The following NUMB variants were observed in gnomAD, a reference collection of about 807,000 sequenced individuals.
NUMB encodes NUMB endocytic adaptor protein.
NUMB carries 29 observed loss-of-function variants against 59.7 expected under a neutral mutation model. The observed-to-expected ratio is 0.49, with a 90% confidence interval of 0.36 to 0.66. The LOEUF (loss-of-function observed/expected upper bound fraction) is 0.66, where lower values mean the gene tolerates loss of function less well. NUMB is among the 30% of genes least tolerant of loss of function. The probability of loss-of-function intolerance (pLI) is 0.00; values close to 1 mark genes in which losing one functional copy is unlikely to be tolerated. For synonymous variants in NUMB, 288 were observed against 288.2 expected, an observed-to-expected ratio of 1.00 and a Z score of 0.01; for missense variants, 723 against 822.0, an observed-to-expected ratio of 0.88 and a Z score of 1.47.
chr14:73,301,230 A>G (rs2139857196), intron 6 of NUMB, among the ~76,000 whole-genome samples: 1 of 152,360 alleles, frequency 6.6e-6, no homozygotes, highest in South Asian at 2.1e-4. Context: ...GGCACTGACA[A>G]TCCTAAGATA....
rs575830888 is a variant in NUMB at position 73,352,423 on chromosome 14, AAT to A, written c.126+3201_126+3202del. ...AAAAGTATTTACCTTGGGTTGTAATAATATATATATACACACACACACACACA... is the reference window on the plus strand; with the variant it reads ...AAAAGTATTTACCTTGGGTTGTAATAATATATATACACACACACACACACA... On this transcript the variant is annotated intron_variant, in intron 4 of 12. Transcript: ENST00000555238. Among the ~76,000 whole-genome samples, 432 of 77,808 alleles carry A rather than the reference AAT, an allele frequency of 5.6e-3. 20 individuals are homozygous for A. The highest frequency in any genetic ancestry group is 0.011 in the African/African-American group (182 of 17,254). 51.0% of individuals were successfully genotyped at this position (77,808 alleles called of 152,430 possible). A position where few individuals can be genotyped will look rare whatever the true frequency, so the allele number is the denominator to read the frequency against.
intron 2 of NUMB, among the ~76,000 whole-genome samples, chr14:73,381,966 G>A (rs1594970017): frequency 6.6e-6 from 1 of 152,278 alleles, no homozygotes; most frequent in Middle Eastern, 3.4e-3. Context: ...TCAAACCAGA[G>A]CTTTTGGAAA....
chr14:73,420,160 C>T (rs966729661), intron 1 of NUMB, among the ~76,000 whole-genome samples: 1 of 152,216 alleles, frequency 6.6e-6, no homozygotes, highest in Admixed American at 6.5e-5. Flanking sequence ...GGCACCCAGC[C>T]CTAGCTGAAA....
intron 1 of NUMB, among the ~76,000 whole-genome samples, chr14:73,449,724 C>T (rs1164518164): frequency 2.6e-5 from 4 of 152,118 alleles, no homozygotes; most frequent in Non-Finnish European, 5.9e-5. Flanking sequence ...TACAGAGTCA[C>T]ACTCTGTCGC....
chr14:73,367,042 G>A (rs759297039), intron 2 of NUMB, 61 bp from the exon 3 acceptor site: 1 of 151,752 alleles, frequency 6.6e-6, no homozygotes, highest in African/African-American at 2.4e-5. Context: ...TTGCTGCATT[G>A]CGCTGAAATA....
chr14:73,304,461 T>C (rs1024684927), intron 6 of NUMB, among the ~76,000 whole-genome samples: 2 of 151,902 alleles, frequency 1.3e-5, no homozygotes, highest in African/African-American at 4.8e-5. Context: ...CACAAGTAAG[T>C]ACCACCACAC....
chr14:73,446,584 G>A lies in NUMB; in HGVS notation c.-233+11909C>T, dbSNP rs187153846. ...AGTGCCACTGCACTCCAGCCTGGGC[G>A]ACAGAGTGCGACTTTGTCTCAAAAA... On this transcript the variant is annotated intron_variant, in intron 1 of 12. Transcript: ENST00000555238. Among the ~76,000 whole-genome samples the A allele has an allele frequency of 7.0e-4, 103 of 147,736 alleles. 1 individual carries two copies. Among genetic ancestry groups the A allele is most frequent in the African/African-American group, 2.4e-3 (95 of 39,810 alleles).
chr14:73,320,528 C>T (rs564470691), intron 5 of NUMB, among the ~76,000 whole-genome samples: 10 of 152,194 alleles, frequency 6.6e-5, no homozygotes, highest in South Asian at 4.1e-4. Flanking sequence ...CTACTGTGTT[C>T]GGCTTAAAAC....
intron 2 of NUMB, among the ~76,000 whole-genome samples, chr14:73,392,521 T>C (rs1895902825): frequency 6.6e-6 from 1 of 152,180 alleles, no homozygotes; most frequent in South Asian, 2.1e-4. Context: ...CTGAAACTGT[T>C]TCACAAGCTT....
At chr14:73,413,336 C>T (rs1233227719) in intron 1 of NUMB, among the ~76,000 whole-genome samples, 1 of 151,228 alleles carries the variant, frequency 6.6e-6, no homozygotes, top group Non-Finnish European at 1.5e-5. Flanking sequence ...CCACCCGCCT[C>T]GGCCTTCCAA....
intron 7 of NUMB, among the ~76,000 whole-genome samples, chr14:73,294,025 C>T (rs2139836004): frequency 6.6e-6 from 1 of 152,278 alleles, no homozygotes; most frequent in Middle Eastern, 3.4e-3. Context: ...GAGAATAAGT[C>T]AGACTTGTCT....
chr14:73,286,594 GA>G (rs11335795), intron 9 of NUMB: 126,422 of 157,900 alleles, frequency 0.8, 51,215 homozygotes, highest in African/African-American at 0.93. Context: ...CAGGGCTATA[GA>G]AAAAAAGAGT....
At chr14:73,455,453 C>T (rs1884294765) in intron 1 of NUMB, among the ~76,000 whole-genome samples, 1 of 152,168 alleles carries the variant, frequency 6.6e-6, no homozygotes, top group East Asian at 1.9e-4. Flanking sequence ...ATTTAGGTTC[C>T]TCAAACAAGT....
At chr14:73,293,387 CTT>C (rs1889531086) in intron 7 of NUMB, among the ~76,000 whole-genome samples, 1 of 130,578 alleles carries the variant, frequency 7.7e-6, no homozygotes, top group African/African-American at 2.9e-5. Context: ...CCACTCGTTT[CTT>C]TTTCTTTTTT....
At chr14:73,292,108 TCACTGTAGCCTCCAA>T (rs1440477125) in intron 8 of NUMB, among the ~76,000 whole-genome samples, 1 of 152,140 alleles carries the variant, frequency 6.6e-6, no homozygotes, top group Non-Finnish European at 1.5e-5. Flanking sequence ...GCACGATGAC[TCACTGTAGCCTCCAA>T]CACCTACGCT....
At position 73,422,207 on chromosome 14, in the gene NUMB, C is replaced by T. The variant is rs142868055; in HGVS notation, c.-232-12139G>A. ...CAATGTCTGGGGAAATAAAGTTATGCGGAACTGTCTCATACCTTGTGGGAT... is the reference window on the plus strand; with the variant it reads ...CAATGTCTGGGGAAATAAAGTTATGTGGAACTGTCTCATACCTTGTGGGAT... On this transcript the variant is annotated intron_variant, in intron 1 of 12. Coordinates refer to ENST00000555238, the MANE Select transcript of NUMB (RefSeq NM_001005743.2). Among the ~76,000 whole-genome samples, 88 of 152,042 alleles carry T rather than the reference C, an allele frequency of 5.8e-4. 1 individual carries two copies. The highest frequency in any genetic ancestry group is 2.0e-3 in the African/African-American group (85 of 41,500).
intron 1 of NUMB, among the ~76,000 whole-genome samples, chr14:73,431,391 G>A (rs1897822432): frequency 6.6e-6 from 1 of 151,442 alleles, no homozygotes; most frequent in Non-Finnish European, 1.5e-5. Flanking sequence ...TAGTAGCTGG[G>A]ATTACAGGCA....
intron 2 of NUMB, among the ~76,000 whole-genome samples, chr14:73,390,636 G>GTTTTTTTTT (rs1895795045): frequency 1.2e-4 from 7 of 60,064 alleles, no homozygotes; most frequent in Non-Finnish European, 2.2e-4. Flanking sequence ...CAAAAACAAA[G>GTTTTTTTTT]TCTTTTTTTT....
At chr14:73,370,127 G>C (rs1338811602) in intron 2 of NUMB, among the ~76,000 whole-genome samples, 1 of 151,800 alleles carries the variant, frequency 6.6e-6, no homozygotes, top group Non-Finnish European at 1.5e-5. Flanking sequence ...AATGGTAGTG[G>C]GGGGGGTGGG....
Sources: allele counts gnomAD v4.1 joint callset (sites outside exome capture counted in the v4.1 genomes callset), GRCh38; gene constraint gnomAD v4.1.1; transcripts MANE v1.5; gene names NCBI Gene and HGNC (gene_info 2026-07-23, HGNC 2026-07-21).